Variants in MICAL2 observed in about 807,000 individuals in gnomAD.
MICAL2 encodes the protein microtubule associated monooxygenase, calponin and LIM domain containing 2.
A neutral mutation model predicts 127.3 loss-of-function variants in MICAL2; 77 were observed. The observed-to-expected ratio is 0.60, with a 90% CI of 0.50 to 0.73. The LOEUF (loss-of-function observed/expected upper bound fraction) is 0.73, where lower values mean the gene tolerates loss of function less well. Among genes scored for constraint, MICAL2 ranks in the 30% least tolerant of loss-of-function variants. The probability of loss-of-function intolerance (pLI) is 0.00; values close to 1 mark genes in which losing one functional copy is unlikely to be tolerated. For synonymous variants in MICAL2, 570 were observed against 551.1 expected (o/e 1.03, Z -0.48); for missense variants, 1,351 against 1,434.4 (o/e 0.94, Z 0.94).
chr11:12,158,213 A>G (rs1332532793), intron 2 of MICAL2, among the ~76,000 whole-genome samples: 1 of 152,188 alleles, frequency 6.6e-6, no homozygotes, highest in Non-Finnish European at 1.5e-5. Flanking sequence ...GAAAAAATAG[A>G]AATCCAAAAC....
At chr11:12,147,047 C>A (rs1436217551) in intron 2 of MICAL2, among the ~76,000 whole-genome samples, 2 of 151,794 alleles carry the variant, frequency 1.3e-5, no homozygotes, top group Non-Finnish European at 2.9e-5. Context: ...ACATCACATA[C>A]CGGGGCCTGT....
chr11:12,247,379 G>A (rs1429925507), intron 21 of MICAL2, among the ~76,000 whole-genome samples: 1 of 152,196 alleles, frequency 6.6e-6, no homozygotes, highest in Non-Finnish European at 1.5e-5. Flanking sequence ...GCCATTAGAT[G>A]ATGTAATTGG....
At chr11:12,335,026 A>T (rs1260161292) in intron 32 of MICAL2, among the ~76,000 whole-genome samples, 1 of 152,052 alleles carries the variant, frequency 6.6e-6, no homozygotes, top group Non-Finnish European at 1.5e-5. Context: ...AGGAATCACC[A>T]CACTGTCTTC....
At chr11:12,300,876 A>G (rs1471860521) in intron 29 of MICAL2, among the ~76,000 whole-genome samples, 1 of 152,234 alleles carries the variant, frequency 6.6e-6, no homozygotes, top group African/African-American at 2.4e-5. Flanking sequence ...TTCCACAACA[A>G]TAGAAAAACC....
downstream of MICAL2, among the ~76,000 whole-genome samples, chr11:12,359,724 T>G (rs1291437724): frequency 6.6e-6 from 1 of 152,240 alleles, no homozygotes; most frequent in African/African-American, 2.4e-5. Context: ...TGGTGATGTG[T>G]TGTCATAAAA....
intron 29 of MICAL2, among the ~76,000 whole-genome samples, chr11:12,315,558 G>A (rs1047226191): frequency 7.2e-5 from 11 of 151,982 alleles, no homozygotes; most frequent in African/African-American, 1.4e-4. Flanking sequence ...GTATCTTTCC[G>A]TTATTAATTT....
intron 1 of MICAL2, among the ~76,000 whole-genome samples, chr11:12,135,881 T>C (rs1770774985): frequency 6.6e-6 from 1 of 151,342 alleles, no homozygotes; most frequent in Non-Finnish European, 1.5e-5. Context: ...TTTGAGCTGG[T>C]CTCGATCTAT....
intron 16 of MICAL2, among the ~76,000 whole-genome samples, chr11:12,238,667 G>T (rs1029826583): frequency 6.5e-5 from 9 of 137,594 alleles, no homozygotes; most frequent in African/African-American, 2.3e-4. Context: ...ACAGAAAAAA[G>T]ATATTAGTGG....
intron 22 of MICAL2, among the ~76,000 whole-genome samples, chr11:12,250,695 T>G (rs1389436697): frequency 1.3e-5 from 2 of 152,208 alleles, no homozygotes; most frequent in Non-Finnish European, 2.9e-5. Context: ...TTTAAAGGGT[T>G]GCAAAAGCAG....
At chr11:12,292,939 G>A (rs1863924435), downstream of MICAL2, among the ~76,000 whole-genome samples, 1 of 152,098 alleles carries the variant, frequency 6.6e-6, no homozygotes, top group Non-Finnish European at 1.5e-5. Flanking sequence ...CTTTGCCAAG[G>A]GCCAAGTTCC....
intron 3 of MICAL2, among the ~76,000 whole-genome samples, chr11:12,192,103 C>T (rs1181123476): frequency 7.1e-6 from 1 of 141,564 alleles, no homozygotes; most frequent in East Asian, 2.5e-4. Context: ...GGGAGGGATG[C>T]ATTGGACAGC....
intron 1 of MICAL2, among the ~76,000 whole-genome samples, chr11:12,111,765 C>T (rs1323263149): frequency 1.3e-5 from 2 of 152,184 alleles, no homozygotes; most frequent in Non-Finnish European, 2.9e-5. Flanking sequence ...TGGGCTGGTC[C>T]CACGGGAGAA....
chr11:12,198,219 G>A (rs996589065), intron 3 of MICAL2, among the ~76,000 whole-genome samples: 2 of 152,200 alleles, frequency 1.3e-5, no homozygotes, highest in Non-Finnish European at 2.9e-5. Context: ...TAACCTTCCT[G>A]AGCTCCAGTT....
At chr11:12,305,761 G>A (rs11022285) in intron 29 of MICAL2, among the ~76,000 whole-genome samples, 53,475 of 151,956 alleles carry the variant, frequency 0.35, 10,577 homozygotes, top group East Asian at 0.64. Flanking sequence ...ATCCATGGAC[G>A]TGATACATCC....
At chr11:12,193,402 G>A (rs572404808) in intron 3 of MICAL2, among the ~76,000 whole-genome samples, 1 of 152,330 alleles carries the variant, frequency 6.6e-6, no homozygotes, top group East Asian at 1.9e-4. Flanking sequence ...TTGAAGGAAT[G>A]CCTGACCTTT....
intron 2 of MICAL2, among the ~76,000 whole-genome samples, chr11:12,153,638 A>G (rs1309347656): frequency 6.6e-6 from 1 of 152,162 alleles, no homozygotes; most frequent in Non-Finnish European, 1.5e-5. Flanking sequence ...GGGTTTCACC[A>G]TATTGGTCAG....
At chr11:12,166,634 A>G (rs955997183) in intron 3 of MICAL2, among the ~76,000 whole-genome samples, 1 of 152,182 alleles carries the variant, frequency 6.6e-6, no homozygotes, top group Non-Finnish European at 1.5e-5. Flanking sequence ...TTACCATGAG[A>G]GTTAAATAAG....
At chr11:12,223,973 C>T (rs776759659) in intron 12 of MICAL2, among the ~76,000 whole-genome samples, 1 of 152,112 alleles carries the variant, frequency 6.6e-6, no homozygotes, top group African/African-American at 2.4e-5. Flanking sequence ...TCAGGATGCT[C>T]TCCTGCTTAG....
intron 3 of MICAL2, among the ~76,000 whole-genome samples, chr11:12,187,052 C>G (rs1858391054): frequency 6.6e-6 from 1 of 152,210 alleles, no homozygotes; most frequent in Non-Finnish European, 1.5e-5. Flanking sequence ...GGTGTGCTTT[C>G]TGCCTGAGGC....
Sources: allele counts gnomAD v4.1 joint callset (sites outside exome capture counted in the v4.1 genomes callset), GRCh38; gene constraint gnomAD v4.1.1; transcripts MANE v1.5; gene names NCBI Gene and HGNC (gene_info 2026-07-23, HGNC 2026-07-21).